ZRANB2: variants seen among roughly 807,000 people sequenced by gnomAD.
ZRANB2 encodes zinc finger Ran-binding domain-containing protein 2.
A neutral mutation model predicts 53.4 loss-of-function variants in ZRANB2; 19 were observed. That is an observed-to-expected ratio of 0.36 (90% CI 0.25 to 0.52). The LOEUF is 0.52. Among genes scored for constraint, ZRANB2 ranks in the 20% least tolerant of loss-of-function variants. The pLI is 0.93. For missense variants in ZRANB2, 309 were observed against 401.1 expected, an observed-to-expected ratio of 0.77 and a Z score of 1.96; for synonymous variants, 145 against 134.8, an observed-to-expected ratio of 1.08 and a Z score of -0.52.
chr1:71,072,301 A>G lies in ZRANB2; in HGVS notation c.379-46T>C, dbSNP rs369862785. 2.6e-6 allele frequency: 4 copies of G among 1,537,118 alleles called. No individual in the cohort carries two copies. In the South Asian group the frequency reaches 3.6e-5, roughly 14 times the overall value. On this transcript the variant is annotated intron_variant, in intron 5 of 9. Transcript: ENST00000370920. ...AATGCTTGTCAGCTGATAATGCATT[A>G]AACTTAATACATTTTCTAAAAAATT...
chr1:71,065,769 C>A, intron 9 of ZRANB2: 1 of 1,611,870 alleles, frequency 6.2e-7, no homozygotes. Flanking sequence ...GAATAGAGAA[C>A]ATGTTCATTA....
At position 71,066,912 on chromosome 1, in the gene ZRANB2, C is replaced by T; in HGVS notation, c.793G>A (p.Gly265Ser). 6.3e-7 allele frequency: 1 copy of T among 1,588,468 alleles called. No individual in the cohort carries two copies. Residue 265 changes from glycine to serine, a missense_variant, in exon 9 of 10, where the codon GGC becomes AGC. Around this residue, in one of 3 missense-constraint regions of ZRANB2, gnomAD observed 211 missense variants for 196.1 expected, o/e 1.08. Coordinates refer to ENST00000370920, the MANE Select transcript of ZRANB2 (RefSeq NM_203350.3). ...GATCTTTTTCGTGGGGAAGAAGAGC[C>T]CCTGTGGGACCTGGAGCTGGATCTT... ...KSRSSSRSHRGSSSPRKRSYS... is the reference protein window; with the variant it reads ...KSRSSSRSHRSSSSPRKRSYS...
chr1:71,066,182 C>G (rs1440413819), intron 9 of ZRANB2: 1 of 159,270 alleles, frequency 6.3e-6, no homozygotes, highest in African/African-American at 2.4e-5. Flanking sequence ...TGACAGATGA[C>G]AGTTGCATTC....
intron 9 of ZRANB2, 111 bp downstream of exon 9, chr1:71,066,665 G>C (rs948292770): frequency 1.7e-6 from 2 of 1,153,028 alleles, no homozygotes; most frequent in Non-Finnish European, 2.4e-6. Flanking sequence ...TTGAAAAGTA[G>C]AAAGTCGGAA....
At position 71,069,354 on chromosome 1, in the gene ZRANB2, G is replaced by A. The variant is rs1661543904; in HGVS notation, c.692C>T (p.Ser231Leu). ...SSSRSRSRSRSRSSSSSQSRS... is the reference protein window; with the variant it reads ...SSSRSRSRSRLRSSSSSQSRS... Reference sequence around the variant, plus strand: ...TGACTGCGAACTGGAAGAACTTCTTGAACGGGACCTGGAACAACATGGAAC... The same window carrying A: ...TGACTGCGAACTGGAAGAACTTCTTAAACGGGACCTGGAACAACATGGAAC... The change falls in exon 8 of 10, where the codon TCA becomes TTA. Residue 231 changes from serine to leucine, a missense_variant. Transcript: ENST00000370920. 2 of 1,612,616 alleles carry A rather than the reference G, an allele frequency of 1.2e-6. No homozygotes were observed. Among genetic ancestry groups the A allele is most frequent in the Admixed American group, 3.3e-5 (2 of 59,802 alleles).
chr1:71,072,164 T>C lies in ZRANB2; in HGVS notation c.470A>G (p.Glu157Gly). 6.2e-7 allele frequency: 1 copy of C among 1,612,296 alleles called. No homozygotes were observed. Among genetic ancestry groups the C allele is most frequent in the East Asian group, 2.2e-5 (1 of 44,740 alleles). The change falls in exon 6 of 10, where the codon GAA becomes GGA. Residue 157 changes from glutamate (E) to glycine (G), a missense_variant. Around this residue, in one of 3 missense-constraint regions of ZRANB2, gnomAD observed 74 missense variants for 180.1 expected, o/e 0.41. Transcript: ENST00000370920. ...EVEDKESEGE[E>G]EDEDEDLSKY... The stretch of plus-strand genomic sequence containing the variant: ...AGAAAGATCTTCATCCTCATCCTCT[T>C]CTTCTCCCTCTGATTCTTTATCTTC...
intron 4 of ZRANB2, among the ~76,000 whole-genome samples, chr1:71,073,559 C>CAT (rs1190915982): frequency 6.6e-6 from 1 of 151,644 alleles, no homozygotes; most frequent in Non-Finnish European, 1.5e-5. Flanking sequence ...AAAACCCACA[C>CAT]TAATATAGCA....
intron 4 of ZRANB2, among the ~76,000 whole-genome samples, chr1:71,075,841 G>C (rs12030413): frequency 0.15 from 22,549 of 150,784 alleles, 2,175 homozygotes; most frequent in East Asian, 0.31. Flanking sequence ...TTGGGCTGGG[G>C]AAGGGGGGAT....
intron 1 of ZRANB2, among the ~76,000 whole-genome samples, chr1:71,080,015 CCT>C (rs1444468557): frequency 2.0e-5 from 3 of 152,074 alleles, no homozygotes; most frequent in African/African-American, 7.2e-5. Context: ...AAATTCTATT[CCT>C]TTTTTAGCAG....
chr1:71,064,046 T>G lies in ZRANB2; in HGVS notation c.*1028A>C, dbSNP rs1256449589. On this transcript the variant is annotated 3_prime_UTR_variant, in exon 10 of 10. Coordinates refer to ENST00000370920, the MANE Select transcript of ZRANB2 (RefSeq NM_203350.3). ...TGAGAAATAAACTCCAAAAGCATTT[T>G]AAGCCATAACTTATTTCAAATGAAT... The G allele has an allele frequency of 3.3e-5, 5 of 152,470 alleles. No individual in the cohort carries two copies. Among genetic ancestry groups the G allele is most frequent in the Non-Finnish European group, 7.4e-5 (5 of 67,886 alleles). The allele number at this position is 152,470 out of a possible 1,614,324, so 9.4% of individuals were successfully genotyped here. A position where few individuals can be genotyped will look rare whatever the true frequency, so the allele number is the denominator to read the frequency against.
chr1:71,069,235 AT>A, intron 8 of ZRANB2, 40 bp downstream of exon 8: 1 of 1,516,656 alleles, frequency 6.6e-7, no homozygotes, highest in Admixed American at 1.9e-5. Flanking sequence ...GCCTTTAAAT[AT>A]TTTTCTCTCT....
chr1:71,072,060 A>G (rs924179427), intron 6 of ZRANB2, 61 bp downstream of exon 6: 3 of 1,559,614 alleles, frequency 1.9e-6, no homozygotes, highest in African/African-American at 2.8e-5. Flanking sequence ...TGTCAAAAGC[A>G]TTCATGTTAT....
intron 4 of ZRANB2, among the ~76,000 whole-genome samples, chr1:71,074,438 A>G (rs1245171794): frequency 1.3e-5 from 2 of 152,156 alleles, no homozygotes; most frequent in Non-Finnish European, 2.9e-5. Context: ...TTTAAAATGA[A>G]TGTTTGGATC....
At chr1:71,072,690 G>C in intron 4 of ZRANB2, 142 bp from the exon 5 acceptor site, 1 of 600,742 alleles carries the variant, frequency 1.7e-6, no homozygotes, top group Non-Finnish European at 2.9e-6. Context: ...TCTTTAGAAA[G>C]CATATTAGAA....
intron 7 of ZRANB2, 67 bp from the exon 8 acceptor site, chr1:71,069,429 G>A: frequency 8.5e-7 from 1 of 1,178,740 alleles, no homozygotes; most frequent in South Asian, 1.3e-5. Flanking sequence ...TATGAACACT[G>A]AAAGAAAGAT....
rs1661363863 is a variant in ZRANB2 at position 71,063,985 on chromosome 1, A to T, written c.*1089T>A. 6.6e-6 allele frequency: 1 copy of T among 152,444 alleles called. No homozygotes were observed. Among genetic ancestry groups the T allele is most frequent in the African/African-American group, 2.4e-5 (1 of 41,454 alleles). 9.4% of individuals were successfully genotyped at this position (152,444 alleles called of 1,614,324 possible). A position where few individuals can be genotyped will look rare whatever the true frequency, so the allele number is the denominator to read the frequency against. On this transcript the variant is annotated 3_prime_UTR_variant, in exon 10 of 10. Transcript: ENST00000370920. ...AAACCTTTTTATTTTTTAAACCAGA[A>T]AACAAACTAAAGCTCATGTGACCAG... is the stretch of plus-strand genomic sequence containing the variant.
At chr1:71,078,747 T>G in intron 1 of ZRANB2, 39 bp from the exon 2 acceptor site, 1 of 1,553,240 alleles carries the variant, frequency 6.4e-7, no homozygotes, top group Non-Finnish European at 8.8e-7. Context: ...AAATTTAAAT[T>G]TGTAAAATTT....
intron 8 of ZRANB2, 31 bp downstream of exon 8, chr1:71,069,245 C>G (rs559017803): frequency 2.6e-6 from 4 of 1,553,386 alleles, no homozygotes; most frequent in South Asian, 1.2e-5. Context: ...ATTTTTCTCT[C>G]TGCTTTACAG....
chr1:71,070,162 T>C (rs1018539635), intron 7 of ZRANB2, among the ~76,000 whole-genome samples: 1 of 152,146 alleles, frequency 6.6e-6, no homozygotes, highest in Non-Finnish European at 1.5e-5. Flanking sequence ...ATCACTTAAC[T>C]GTGATTAAGG....
Sources: allele counts gnomAD v4.1 joint callset (sites outside exome capture counted in the v4.1 genomes callset), GRCh38; gene constraint gnomAD v4.1.1; regional missense constraint gnomAD v4.1.1; transcripts MANE v1.5; gene names NCBI Gene and HGNC (gene_info 2026-07-23, HGNC 2026-07-21).